Variants in BLTP3B observed in about 807,000 individuals in gnomAD.
BLTP3B encodes the protein bridge-like lipid transfer protein family member 3B.
chr12:100,041,492 G>A, the BLTP3B span, among the ~76,000 whole-genome samples: 5 of 144,586 alleles, frequency 3.5e-5, no homozygotes, highest in South Asian at 2.2e-4. Context: ...GCTGGAGTGC[G>A]GTGGCACAAT....
chr12:100,072,192 G>T, the BLTP3B span, among the ~76,000 whole-genome samples: 3 of 151,984 alleles, frequency 2.0e-5, no homozygotes, highest in African/African-American at 7.3e-5. Context: ...AACCTGGGAG[G>T]CCAAGGCTGC....
At chr12:100,092,989 C>A in the BLTP3B span, 1 of 984,060 alleles carries the variant, frequency 1.0e-6, no homozygotes, top group Non-Finnish European at 1.2e-6. Flanking sequence ...CTGAACTTTT[C>A]TCTCTTCCTT....
At chr12:100,042,626 A>C in the BLTP3B span, among the ~76,000 whole-genome samples, 1 of 152,198 alleles carries the variant, frequency 6.6e-6, no homozygotes, top group African/African-American at 2.4e-5. Flanking sequence ...GGACATCCAA[A>C]GCACAGGCAA....
At chr12:100,075,157 G>A in the BLTP3B span, among the ~76,000 whole-genome samples, 574 of 151,886 alleles carry the variant, frequency 3.8e-3, 5 homozygotes, top group African/African-American at 0.013. Context: ...GATTACAGGC[G>A]CGCACCACCA....
chr12:100,084,386 A>T, the BLTP3B span: 5 of 298,042 alleles, frequency 1.7e-5, no homozygotes, highest in Middle Eastern at 5.2e-4. Context: ...GATCACACAC[A>T]CACACACACA....
the BLTP3B span, chr12:100,058,374 GATAA>G: frequency 6.2e-7 from 1 of 1,612,572 alleles, no homozygotes; most frequent in Non-Finnish European, 8.5e-7. Context: ...ATGTTTATCT[GATAA>G]ATAGTCCATA....
chr12:100,076,321 CAT>C, the BLTP3B span, among the ~76,000 whole-genome samples: 44 of 150,100 alleles, frequency 2.9e-4, no homozygotes, highest in African/African-American at 1.1e-3. Context: ...GTATATGTCT[CAT>C]ATGAAGTAGA....
chr12:100,037,201 T>C, the BLTP3B span: 1 of 939,606 alleles, frequency 1.1e-6, no homozygotes, highest in Non-Finnish European at 1.3e-6. Context: ...TTTACATTAG[T>C]CATAAAAGCA....
the BLTP3B span, among the ~76,000 whole-genome samples, chr12:100,066,923 C>G: frequency 6.6e-6 from 1 of 151,878 alleles, no homozygotes; most frequent in Non-Finnish European, 1.5e-5. Flanking sequence ...CTCCAAGAGA[C>G]AGACCATATG....
At chr12:100,140,535 G>A in the BLTP3B span, among the ~76,000 whole-genome samples, 2 of 150,584 alleles carry the variant, frequency 1.3e-5, no homozygotes, top group Admixed American at 1.3e-4. Context: ...GAAAAACCCT[G>A]TCTCTACTAA....
At chr12:100,041,408 C>G in the BLTP3B span, among the ~76,000 whole-genome samples, 2 of 148,460 alleles carry the variant, frequency 1.3e-5, no homozygotes, top group South Asian at 4.2e-4. Flanking sequence ...AGAAACCAGA[C>G]AAGGCTGTCT....
the BLTP3B span, among the ~76,000 whole-genome samples, chr12:100,067,943 C>T: frequency 6.6e-6 from 1 of 152,080 alleles, no homozygotes; most frequent in Non-Finnish European, 1.5e-5. Context: ...TTTACAAATT[C>T]AATGCAATTC....
At chr12:100,076,479 T>C in the BLTP3B span, among the ~76,000 whole-genome samples, 4 of 149,456 alleles carry the variant, frequency 2.7e-5, no homozygotes, top group Non-Finnish European at 4.4e-5. Flanking sequence ...CAACAACCTC[T>C]GCCTCCTGGA....
chr12:100,123,180 T>A, the BLTP3B span, among the ~76,000 whole-genome samples: 1 of 152,166 alleles, frequency 6.6e-6, no homozygotes. Context: ...TTAAAGGTAT[T>A]GTACATTCAA....
chr12:100,037,096 G>T, the BLTP3B span: 2 of 887,440 alleles, frequency 2.3e-6, no homozygotes, highest in Non-Finnish European at 2.7e-6. Flanking sequence ...TAATTATATA[G>T]TTTATTGATC....
At chr12:100,040,949 A>G in the BLTP3B span, among the ~76,000 whole-genome samples, 1 of 152,224 alleles carries the variant, frequency 6.6e-6, no homozygotes, top group African/African-American at 2.4e-5. Context: ...GAGCATTCCC[A>G]AACTTTCTAT....
At chr12:100,133,525 C>T in the BLTP3B span, among the ~76,000 whole-genome samples, 1 of 151,902 alleles carries the variant, frequency 6.6e-6, no homozygotes, top group Non-Finnish European at 1.5e-5. Context: ...GGGGTGGGGG[C>T]GAGTAGGAAA....
At chr12:100,114,852 T>C in the BLTP3B span, among the ~76,000 whole-genome samples, 1 of 152,198 alleles carries the variant, frequency 6.6e-6, no homozygotes, top group East Asian at 1.9e-4. Flanking sequence ...CAGAAACTCC[T>C]ATTTCCTCAT....
chr12:100,071,010 A>G, the BLTP3B span, among the ~76,000 whole-genome samples: 2 of 152,278 alleles, frequency 1.3e-5, no homozygotes, highest in South Asian at 4.1e-4. Context: ...AAAACAACAT[A>G]TATTAATAAA....
Sources: allele counts gnomAD v4.1 joint callset (sites outside exome capture counted in the v4.1 genomes callset), GRCh38; gene constraint gnomAD v4.1.1; transcripts MANE v1.5; gene names NCBI Gene and HGNC (gene_info 2026-07-23, HGNC 2026-07-21).